Variants in RPS16 observed in about 807,000 individuals in gnomAD.
RPS16 encodes small ribosomal subunit protein uS9.
Under a neutral mutation model 20.1 loss-of-function variants are expected in RPS16, and 2 were observed. The observed-to-expected ratio is 0.10, with a 90% CI of 0.04 to 0.31. The LOEUF is 0.31. RPS16 is among the 10% of genes least tolerant of loss of function. The pLI, the probability that RPS16 is intolerant of heterozygous loss-of-function variation, is 1.00. For synonymous variants in RPS16, 95 were observed against 76.1 expected (o/e 1.25, Z -1.29); for missense variants, 129 against 198.6 (o/e 0.65, Z 2.11).
At chr19:39,435,353 C>T (rs1419279479) in intron 2 of RPS16, 1 of 491,892 alleles carries the variant, frequency 2.0e-6, no homozygotes. Flanking sequence ...TTTGGGTCCC[C>T]CCGCCCCAGT....
At position 39,435,910 on chromosome 19, in the gene RPS16, A is replaced by C. The variant is rs374493601; in HGVS notation, c.-15T>G. On this transcript the variant is annotated 5_prime_UTR_variant, in exon 1 of 5. Coordinates refer to ENST00000251453, the MANE Select transcript of RPS16 (RefSeq NM_001020.6). Reference sequence around the variant, plus strand: ...TTGGACGGCATGGCTCCGAGCGTGGACTAGACAACCTCACCGCGCGGCGCC... The same window carrying C: ...TTGGACGGCATGGCTCCGAGCGTGGCCTAGACAACCTCACCGCGCGGCGCC... 7.5e-6 allele frequency: 12 copies of C among 1,603,862 alleles called. No individual in the cohort carries two copies. Among genetic ancestry groups the C allele is most frequent in the Admixed American group, 1.7e-5 (1 of 60,022 alleles).
At chr19:39,433,919 G>A (rs2078845119) in intron 2 of RPS16, 158 bp from the exon 3 acceptor site, 2 of 649,006 alleles carry the variant, frequency 3.1e-6, no homozygotes, top group East Asian at 2.8e-5. Flanking sequence ...CAGACCCAGA[G>A]AAGAGGAAAG....
intron 2 of RPS16, chr19:39,435,298 CA>C: frequency 3.0e-6 from 1 of 332,938 alleles, no homozygotes; most frequent in Non-Finnish European, 5.5e-6. Flanking sequence ...GACTCCCTCT[CA>C]AAACAAATAA....
chr19:39,435,769 C>G lies in RPS16; in HGVS notation c.49-61G>C, dbSNP rs1041567228. The G allele has an allele frequency of 2.1e-5, 33 of 1,606,096 alleles. No individual in the cohort carries two copies. In the Admixed American group the frequency reaches 2.7e-4, roughly 13 times the overall value. ...TCCGGCTCCAGCTCCCATGTTACCC[C>G]CTAGATTCCTGCCCACCGACCTCTC... On this transcript the variant is annotated intron_variant, in intron 1 of 4. Transcript: ENST00000251453.
Position 39,433,203 on chromosome 19 carries a change from A to T in RPS16, c.*70T>A, listed in dbSNP as rs2078839357. 2 of 1,504,496 alleles carry T rather than the reference A, an allele frequency of 1.3e-6. No homozygotes were observed. Among genetic ancestry groups the T allele is most frequent in the Non-Finnish European group, 1.8e-6 (2 of 1,088,548 alleles). 93.2% of individuals were successfully genotyped at this position (1,504,496 alleles called of 1,614,324 possible). A position where few individuals can be genotyped will look rare whatever the true frequency, so the allele number is the denominator to read the frequency against. ...CCAATACCAACACATAAGGCCACACACAGTTCTTGAAACTTTAAAATCCCT... is the reference window on the plus strand; with the variant it reads ...CCAATACCAACACATAAGGCCACACTCAGTTCTTGAAACTTTAAAATCCCT... On this transcript the variant is annotated 3_prime_UTR_variant, in exon 5 of 5. Transcript: ENST00000251453.
chr19:39,433,979 C>T, intron 2 of RPS16: 1 of 543,442 alleles, frequency 1.8e-6, no homozygotes, highest in Non-Finnish European at 3.3e-6. Flanking sequence ...GAAATATAGG[C>T]AAGGTAAAGG....
At position 39,435,801 on chromosome 19, in the gene RPS16, C is replaced by T. The variant is rs1735390856; in HGVS notation, c.48+47G>A. 7 of 1,609,440 alleles carry T rather than the reference C, an allele frequency of 4.3e-6. No homozygotes were observed. In the African/African-American group the frequency reaches 5.3e-5, roughly 12 times the overall value. ...TCCTGCCCACCGACCTCTCCCAGAC[C>T]CTGGCCTTCTCCTTCCCCTCCCCTT... On this transcript the variant is annotated intron_variant, in intron 1 of 4. Transcript: ENST00000251453.
At position 39,435,892 on chromosome 19, in the gene RPS16, G is replaced by C; in HGVS notation, c.4C>G (p.Pro2Ala). 7.5e-6 allele frequency: 12 copies of C among 1,605,584 alleles called. No homozygotes were observed. The highest frequency in any genetic ancestry group is 1.0e-5 in the Non-Finnish European group (12 of 1,179,972). ...ACAGACTGCAGCGGGCCCTTGGACG[G>C]CATGGCTCCGAGCGTGGACTAGACA... M[P>A]SKGPLQSVQV... Residue 2 changes from proline to alanine, a missense_variant, in exon 1 of 5, where the codon CCG becomes GCG. Physicochemically the swap from Pro to Ala is conservative, Grantham distance 27. Coordinates refer to ENST00000251453, the MANE Select transcript of RPS16 (RefSeq NM_001020.6).
At chr19:39,435,383 C>T (rs1275143247) in intron 2 of RPS16, 1 of 539,476 alleles carries the variant, frequency 1.9e-6, no homozygotes, top group Admixed American at 3.5e-5. Context: ...TTCCTAACAT[C>T]CCAGTTCTCA....
rs2078857086 is a variant in RPS16, at chr19:39,435,591, T to C, written c.150+16A>G. On this transcript the variant is annotated intron_variant, in intron 2 of 4. Coordinates refer to ENST00000251453, the MANE Select transcript of RPS16 (RefSeq NM_001020.6). ...GAGTCCTCCATCCACTCAACGCCGG[T>C]GCCGGATCCCAGCACCTTGTACTGT... 1 of 1,607,948 alleles carries C rather than the reference T, an allele frequency of 6.2e-7. No homozygotes were observed. Among genetic ancestry groups the C allele is most frequent in the Admixed American group, 1.7e-5 (1 of 59,732 alleles).
intron 4 of RPS16, 24 bp downstream of exon 4, chr19:39,433,498 T>TG (rs779419302): frequency 1.1e-5 from 17 of 1,613,342 alleles, no homozygotes; most frequent in Admixed American, 6.7e-5. Context: ...ATCTACCTCA[T>TG]GGGAAGGACC....
In RPS16 at chr19:39,433,229, C is replaced by T. The variant is rs1355834247; in HGVS notation, c.*44G>A. The T allele has an allele frequency of 6.2e-7, 1 of 1,603,804 alleles. No individual in the cohort carries two copies. Among genetic ancestry groups the T allele is most frequent in the Non-Finnish European group, 8.5e-7 (1 of 1,174,040 alleles). On this transcript the variant is annotated 3_prime_UTR_variant, in exon 5 of 5. Coordinates refer to ENST00000251453, the MANE Select transcript of RPS16 (RefSeq NM_001020.6). ...CAGTTCTTGAAACTTTAAAATCCCT[C>T]AAAAACTGTTTATTATACAAGTGAG...
In RPS16 at chr19:39,435,780, G is replaced by C. The variant is rs868214708; in HGVS notation, c.48+68C>G. On this transcript the variant is annotated intron_variant, in intron 1 of 4. Transcript: ENST00000251453. Reference sequence around the variant, plus strand: ...CTCCCATGTTACCCCCTAGATTCCTGCCCACCGACCTCTCCCAGACCCTGG... The same window carrying C: ...CTCCCATGTTACCCCCTAGATTCCTCCCCACCGACCTCTCCCAGACCCTGG... 4 of 1,605,590 alleles carry C rather than the reference G, an allele frequency of 2.5e-6. No individual in the cohort carries two copies. The South Asian group carries it at 4.4e-5, about 18-fold the overall frequency.
In RPS16 at chr19:39,433,154, ACTGATTT is replaced by A. The variant is rs2078839011; in HGVS notation, c.*112_*118del. 1 of 1,133,094 alleles carries A rather than the reference ACTGATTT, an allele frequency of 8.8e-7. No individual in the cohort carries two copies. Among genetic ancestry groups the A allele is most frequent in the African/African-American group, 1.6e-5 (1 of 64,094 alleles). The allele number at this position is 1,133,094 out of a possible 1,614,324, so 70.2% of individuals were successfully genotyped here. On this transcript the variant is annotated 3_prime_UTR_variant, in exon 5 of 5. Transcript: ENST00000251453. ...GACTGGCAATAGGTCCAGGATGTTT[ACTGATTT>A]CTGTCTGGTTAAACATCCAATACCA...
intron 2 of RPS16, 55 bp downstream of exon 2, chr19:39,435,552 A>G (rs952975088): frequency 2.7e-6 from 4 of 1,458,108 alleles, no homozygotes; most frequent in South Asian, 1.2e-5. Flanking sequence ...GAGCTACAAC[A>G]TCTCTGTCTC....
Position 39,435,594 on chromosome 19 carries a change from C to T in RPS16, c.150+13G>A. ...TCCTCCATCCACTCAACGCCGGTGC[C>T]GGATCCCAGCACCTTGTACTGTAGC... On this transcript the variant is annotated intron_variant, in intron 2 of 4. Transcript: ENST00000251453. The T allele has an allele frequency of 6.2e-7, 1 of 1,606,204 alleles. No individual in the cohort carries two copies. The highest frequency in any genetic ancestry group is 8.5e-7 in the Non-Finnish European group (1 of 1,174,458).
In RPS16 at chr19:39,435,423, T is replaced by C. The variant is rs1024953523; in HGVS notation, c.150+184A>G. The C allele has an allele frequency of 1.9e-5, 11 of 584,340 alleles. No individual in the cohort carries two copies. The African/African-American group carries it at 1.9e-4, about 10-fold the overall frequency. The allele number at this position is 584,340 out of a possible 1,614,324, so 36.2% of individuals were successfully genotyped here. A position where few individuals can be genotyped will look rare whatever the true frequency, so the allele number is the denominator to read the frequency against. Reference sequence around the variant, plus strand: ...AAACCCTTAATCTTCAACAACCCCATCTCAGCTTTTACATCTTCTGAACCC... The same window carrying C: ...AAACCCTTAATCTTCAACAACCCCACCTCAGCTTTTACATCTTCTGAACCC... On this transcript the variant is annotated intron_variant, in intron 2 of 4. Coordinates refer to ENST00000251453, the MANE Select transcript of RPS16 (RefSeq NM_001020.6).
chr19:39,434,068 G>C, intron 2 of RPS16: 1 of 386,510 alleles, frequency 2.6e-6, no homozygotes, highest in Non-Finnish European at 4.9e-6. Flanking sequence ...GTTCTTAGAA[G>C]GCTGAACAGT....
intron 2 of RPS16, chr19:39,435,334 C>A: frequency 2.2e-6 from 1 of 465,060 alleles, no homozygotes; most frequent in Non-Finnish European, 3.8e-6. Flanking sequence ...AGTCGGTGTC[C>A]CTTCACCCTT....
Sources: allele counts gnomAD v4.1 joint callset, GRCh38; gene constraint gnomAD v4.1.1; transcripts MANE v1.5; gene names NCBI Gene and HGNC (gene_info 2026-07-23, HGNC 2026-07-21).